SMAGP: variants seen among roughly 807,000 people sequenced by gnomAD.
SMAGP encodes the protein small cell transmembrane and glycosylated protein.
In SMAGP, 7 loss-of-function variants were observed where a neutral mutation model predicts 10.1. The observed-to-expected ratio is 0.70, with a 90% CI of 0.40 to 1.31. The LOEUF is 1.31. Among genes scored for constraint, SMAGP ranks in the 50% most tolerant of loss-of-function variants. The pLI is 0.01. For synonymous variants in SMAGP, 49 were observed against 47.2 expected (o/e 1.04, Z -0.16); for missense variants, 113 against 116.5 (o/e 0.97, Z 0.14).
intron 2 of SMAGP, among the ~76,000 whole-genome samples, chr12:51,262,892 G>A (rs1477177958): frequency 1.3e-5 from 2 of 152,196 alleles, no homozygotes; most frequent in East Asian, 1.9e-4. Context: ...GCGGCTCCCC[G>A]AGTTCTTTCC....
intron 2 of SMAGP, among the ~76,000 whole-genome samples, chr12:51,266,810 A>G (rs1160024130): frequency 6.6e-6 from 1 of 152,152 alleles, no homozygotes; most frequent in Non-Finnish European, 1.5e-5. Context: ...TACCTGTACT[A>G]TGTTTATTTT....
intron 2 of SMAGP, among the ~76,000 whole-genome samples, chr12:51,250,204 CAAAAAAAA>C (rs11289025): frequency 1.0e-5 from 1 of 98,968 alleles, no homozygotes; most frequent in African/African-American, 3.7e-5. Flanking sequence ...ACTCTGTCTA[CAAAAAAAA>C]AAAAAAAAAA....
intron 2 of SMAGP, among the ~76,000 whole-genome samples, chr12:51,261,084 C>T (rs1395445352): frequency 7.1e-6 from 1 of 141,834 alleles, no homozygotes; most frequent in Non-Finnish European, 1.5e-5. Context: ...CCACCGTGCC[C>T]AGCCTTAATT....
chr12:51,256,978 AGTTTTG>A (rs1196143846), intron 2 of SMAGP, among the ~76,000 whole-genome samples: 3 of 152,182 alleles, frequency 2.0e-5, no homozygotes, highest in Non-Finnish European at 4.4e-5. Context: ...TTACAAGAGA[AGTTTTG>A]GTGAAGTGCT....
At chr12:51,250,204 C>CAAAA (rs11289025) in intron 2 of SMAGP, among the ~76,000 whole-genome samples, 1 of 98,938 alleles carries the variant, frequency 1.0e-5, no homozygotes, top group African/African-American at 3.7e-5. Flanking sequence ...ACTCTGTCTA[C>CAAAA]AAAAAAAAAA....
intron 1 of SMAGP, chr12:51,269,866 C>T (rs1157495349): frequency 6.6e-6 from 1 of 152,214 alleles, no homozygotes; most frequent in African/African-American, 2.4e-5. Context: ...GCCGCCCCCT[C>T]CGGGCCTGCT....
At chr12:51,248,434 A>ACACACTCTCACTCT (rs1188710796) in intron 2 of SMAGP, among the ~76,000 whole-genome samples, 1 of 77,468 alleles carries the variant, frequency 1.3e-5, no homozygotes, top group African/African-American at 5.1e-5. Context: ...ACACACACAC[A>ACACACTCTCACTCT]CTCTCTCTCT....
At position 51,250,265 on chromosome 12, in the gene SMAGP, C is replaced by A. The variant is rs1944824409; in HGVS notation, c.35-3434G>T. Among the ~76,000 whole-genome samples the A allele has an allele frequency of 2.0e-5, 3 of 151,470 alleles. No homozygotes were observed. In the South Asian group the frequency reaches 6.3e-4, roughly 32 times the overall value. ...GGTGTGGTAATATGCGCCTGTAGTC[C>A]CAGATACTCATGAGGCTGAAGTGGG... On this transcript the variant is annotated intron_variant, in intron 2 of 3. Transcript: ENST00000603798.
intron 2 of SMAGP, among the ~76,000 whole-genome samples, chr12:51,251,933 C>T (rs1377124558): frequency 6.6e-6 from 1 of 152,110 alleles, no homozygotes; most frequent in African/African-American, 2.4e-5. Flanking sequence ...ACAGGAAGAC[C>T]TTAAGAAAAA....
In SMAGP at chr12:51,246,604, CTGTG is replaced by C. The variant is rs59561227; in HGVS notation, c.115+143_115+146del. 3.8e-3 allele frequency: 1,273 copies of C among 337,418 alleles called. 9 individuals are homozygous for C. Among genetic ancestry groups the C allele is most frequent in the African/African-American group, 0.012 (536 of 43,038 alleles). 20.9% of individuals were successfully genotyped at this position (337,418 alleles called of 1,614,324 possible). ...ACAGAAGCCTCCGAGTCTTTTATGG[CTGTG>C]TGTGTGTGTGTGTGTGTGTGTGTGT... is the stretch of plus-strand genomic sequence containing the variant. On this transcript the variant is annotated intron_variant, in intron 3 of 3. Transcript: ENST00000603798.
At chr12:51,270,066 C>T (rs542867146) in intron 1 of SMAGP, 190 bp downstream of exon 1, 1 of 151,986 alleles carries the variant, frequency 6.6e-6, no homozygotes, top group South Asian at 2.1e-4. Flanking sequence ...TACCAGCACC[C>T]CGCGGAGCGC....
At chr12:51,270,045 G>GCCC (rs962743245) in intron 1 of SMAGP, 11 of 150,974 alleles carry the variant, frequency 7.3e-5, no homozygotes, top group African/African-American at 2.7e-4. Context: ...CCCGCCCCGA[G>GCCC]CCCCCCGCGT....
intron 2 of SMAGP, among the ~76,000 whole-genome samples, chr12:51,265,975 G>A (rs974808648): frequency 2.6e-5 from 4 of 152,042 alleles, no homozygotes; most frequent in African/African-American, 4.8e-5. Flanking sequence ...CCAGCTACTC[G>A]GGAAGCTAAG....
intron 2 of SMAGP, among the ~76,000 whole-genome samples, chr12:51,252,143 G>A (rs1944844955): frequency 1.3e-5 from 2 of 151,772 alleles, no homozygotes; most frequent in African/African-American, 4.8e-5. Context: ...ACCCAGGCTG[G>A]AGTGCAGTGG....
chr12:51,248,105 T>C (rs1037206424), intron 2 of SMAGP, among the ~76,000 whole-genome samples: 7 of 146,528 alleles, frequency 4.8e-5, no homozygotes, highest in African/African-American at 1.8e-4. Context: ...ATGACTCCCG[T>C]CCAGTGCCTG....
At chr12:51,265,954 C>T (rs1004701506) in intron 2 of SMAGP, among the ~76,000 whole-genome samples, 3 of 151,966 alleles carry the variant, frequency 2.0e-5, no homozygotes, top group African/African-American at 7.3e-5. Flanking sequence ...TGGTGGTGGG[C>T]GCCTGTAGTC....
At chr12:51,253,604 A>AT (rs1944860275) in intron 2 of SMAGP, 1 of 152,228 alleles carries the variant, frequency 6.6e-6, no homozygotes. Context: ...CTAAAAAAAA[A>AT]CAAAAAACAA....
intron 2 of SMAGP, among the ~76,000 whole-genome samples, chr12:51,256,715 C>T (rs1387360538): frequency 3.4e-5 from 5 of 145,236 alleles, no homozygotes; most frequent in South Asian, 2.3e-4. Context: ...AGCGAAACTC[C>T]GTCTCAAAAC....
At chr12:51,251,590 C>CAGA (rs749681952) in intron 2 of SMAGP, 1 of 128,134 alleles carries the variant, frequency 7.8e-6, no homozygotes, top group Non-Finnish European at 1.7e-5. Flanking sequence ...GACCCTGTTT[C>CAGA]AGAAAAAAAA....
Sources: allele counts gnomAD v4.1 joint callset (sites outside exome capture counted in the v4.1 genomes callset), GRCh38; gene constraint gnomAD v4.1.1; transcripts MANE v1.5; gene names NCBI Gene and HGNC (gene_info 2026-07-23, HGNC 2026-07-21).